LEF1: variants seen among roughly 807,000 people sequenced by gnomAD.
The protein encoded by LEF1 is lymphoid enhancer-binding factor 1.
LEF1 carries 14 observed loss-of-function variants against 51.2 expected under a neutral mutation model. The observed-to-expected ratio is 0.27, with a 90% CI of 0.18 to 0.43. The LOEUF (loss-of-function observed/expected upper bound fraction) is 0.43. Ranked by LOEUF, LEF1 falls within the 20% of genes least tolerant of loss-of-function variation. The probability of loss-of-function intolerance (pLI) is 1.00; values close to 1 mark genes in which losing one functional copy is unlikely to be tolerated. For missense variants in LEF1, 386 were observed against 512.0 expected (o/e 0.75, Z 2.37); for synonymous variants, 185 against 183.2 (o/e 1.01, Z -0.08).
intron 3 of LEF1, among the ~76,000 whole-genome samples, chr4:108,154,798 T>C (rs768115991): frequency 6.6e-6 from 1 of 152,140 alleles, no homozygotes; most frequent in Non-Finnish European, 1.5e-5. Flanking sequence ...GTACCATTTA[T>C]AGTGTTCAAA....
At chr4:108,079,677 ATT>A in intron 6 of LEF1, 63 bp from the exon 7 acceptor site, 2 of 1,573,794 alleles carry the variant, frequency 1.3e-6, no homozygotes, top group Non-Finnish European at 1.7e-6. Flanking sequence ...GCTAGATGGA[ATT>A]TCAAAGCAAT....
At position 108,075,393 on chromosome 4, in the gene LEF1, A is replaced by G. The variant is rs1343059640; in HGVS notation, c.1008+2827T>C. 6 of 152,238 alleles carry G rather than the reference A, an allele frequency of 3.9e-5. No individual in the cohort carries two copies. In the East Asian group the frequency reaches 1.2e-3, roughly 29 times the overall value. The allele number at this position is 152,238 out of a possible 1,614,324, so 9.4% of individuals were successfully genotyped here. On this transcript the variant is annotated intron_variant, in intron 8 of 11. Coordinates refer to ENST00000265165, the MANE Select transcript of LEF1 (RefSeq NM_016269.5). The stretch of plus-strand genomic sequence containing the variant: ...AACAGACCTGGTAAAATTATCATCG[A>G]CAATAGCTAACACATGATCCTCTAT...
At chr4:108,099,605 T>TATATATATATATAA in intron 3 of LEF1, among the ~76,000 whole-genome samples, 1 of 119,012 alleles carries the variant, frequency 8.4e-6, no homozygotes, top group East Asian at 2.3e-4. Flanking sequence ...TATATATATA[T>TATATATATATATAA]ATATATATAT....
chr4:108,166,264 G>T (rs1294912377), intron 1 of LEF1: 1 of 1,535,580 alleles, frequency 6.5e-7, no homozygotes, highest in Non-Finnish European at 8.7e-7. Context: ...TTCAAAATTC[G>T]TACTCACCTC....
intron 3 of LEF1, among the ~76,000 whole-genome samples, chr4:108,119,991 ATATGTG>A (rs1022185966): frequency 4.4e-4 from 13 of 29,386 alleles, no homozygotes; most frequent in Admixed American, 1.7e-3. Flanking sequence ...TATATTTTAT[ATATGTG>A]TGTGTGTGTG....
At chr4:108,089,309 T>G (rs1317960666) in intron 3 of LEF1, 52 bp from the exon 4 acceptor site, 2 of 1,572,032 alleles carry the variant, frequency 1.3e-6, no homozygotes, top group Non-Finnish European at 1.7e-6. Flanking sequence ...AGCTCCAGTC[T>G]TTTCTCCCAA....
chr4:108,144,063 TG>T (rs1326007460), intron 3 of LEF1, among the ~76,000 whole-genome samples: 4 of 151,428 alleles, frequency 2.6e-5, no homozygotes, highest in African/African-American at 9.7e-5. Context: ...AGGTGAGGAG[TG>T]GGGGAAGCAA....
At chr4:108,159,088 T>C (rs766497521) in intron 3 of LEF1, among the ~76,000 whole-genome samples, 1 of 152,176 alleles carries the variant, frequency 6.6e-6, no homozygotes, top group Non-Finnish European at 1.5e-5. Flanking sequence ...GAACCAGGCA[T>C]GTAAATGCAA....
intron 3 of LEF1, among the ~76,000 whole-genome samples, chr4:108,156,087 A>G (rs1365342091): frequency 6.6e-6 from 1 of 152,258 alleles, no homozygotes; most frequent in Non-Finnish European, 1.5e-5. Flanking sequence ...ATTCTGAAAC[A>G]TACTTGAAGA....
chr4:108,079,287 C>T (rs1407572031), intron 7 of LEF1, among the ~76,000 whole-genome samples: 1 of 152,164 alleles, frequency 6.6e-6, no homozygotes, highest in African/African-American at 2.4e-5. Flanking sequence ...TTTTAGGGTC[C>T]GTGCTCCTTT....
chr4:108,099,614 A>ATATG (rs1740672314), intron 3 of LEF1, among the ~76,000 whole-genome samples: 2 of 124,726 alleles, frequency 1.6e-5, no homozygotes, highest in Non-Finnish European at 3.3e-5. Flanking sequence ...ATATATATAT[A>ATATG]TATAAATAAT....
At chr4:108,134,943 C>T (rs2110359450) in intron 3 of LEF1, among the ~76,000 whole-genome samples, 1 of 152,252 alleles carries the variant, frequency 6.6e-6, no homozygotes, top group East Asian at 1.9e-4. Flanking sequence ...CAGATGCCTG[C>T]CTTTCAAATT....
intron 11 of LEF1, among the ~76,000 whole-genome samples, chr4:108,055,956 C>T (rs1419529566): frequency 6.6e-6 from 1 of 152,228 alleles, no homozygotes; most frequent in Non-Finnish European, 1.5e-5. Context: ...CAACTATCAG[C>T]TTCCTAGTGA....
chr4:108,150,378 T>C (rs1439026958), intron 3 of LEF1, among the ~76,000 whole-genome samples: 4 of 152,286 alleles, frequency 2.6e-5, no homozygotes, highest in East Asian at 3.8e-4. Context: ...AAGTGAGGAA[T>C]AGAGATTCCC....
At chr4:108,060,792 G>GT (rs1380055701) in intron 11 of LEF1, among the ~76,000 whole-genome samples, 2 of 151,932 alleles carry the variant, frequency 1.3e-5, no homozygotes, top group African/African-American at 4.8e-5. Context: ...AACAAGCACT[G>GT]TGAGAATAGG....
At chr4:108,143,836 C>T (rs773626538) in intron 3 of LEF1, among the ~76,000 whole-genome samples, 11 of 152,174 alleles carry the variant, frequency 7.2e-5, no homozygotes, top group Non-Finnish European at 1.3e-4. Flanking sequence ...GCCCCCGGAG[C>T]TGTGGGCTCC....
intron 3 of LEF1, among the ~76,000 whole-genome samples, chr4:108,159,333 T>C (rs1434298289): frequency 6.6e-6 from 1 of 152,210 alleles, no homozygotes; most frequent in Non-Finnish European, 1.5e-5. Flanking sequence ...GTTAGAATAA[T>C]ACACTTTCTA....
At chr4:108,091,682 A>G (rs931051571) in intron 3 of LEF1, among the ~76,000 whole-genome samples, 5 of 152,138 alleles carry the variant, frequency 3.3e-5, no homozygotes, top group Non-Finnish European at 7.3e-5. Context: ...AGGTTAAACA[A>G]ATCTTCTAAT....
chr4:108,166,813 C>T, intron 1 of LEF1: 2 of 985,940 alleles, frequency 2.0e-6, no homozygotes, highest in Non-Finnish European at 2.4e-6. Flanking sequence ...GGGTTTGTTT[C>T]CAAGTGATGG....
Sources: allele counts gnomAD v4.1 joint callset (sites outside exome capture counted in the v4.1 genomes callset), GRCh38; gene constraint gnomAD v4.1.1; transcripts MANE v1.5; gene names NCBI Gene and HGNC (gene_info 2026-07-23, HGNC 2026-07-21).